Variants in MARF1 observed in about 807,000 individuals in gnomAD.
MARF1 encodes the protein meiosis regulator and mRNA stability factor 1, also known as limkain-b1.
Under a neutral mutation model 168.2 loss-of-function variants are expected in MARF1, and 24 were observed. The observed-to-expected ratio is 0.14, with a 90% CI of 0.10 to 0.20. The LOEUF (loss-of-function observed/expected upper bound fraction) is 0.20. Ranked by LOEUF, MARF1 falls within the 10% of genes least tolerant of loss-of-function variation. The pLI is 1.00. For missense variants in MARF1, 1,744 were observed against 2,143.6 expected (o/e 0.81, Z 3.68); for synonymous variants, 868 against 822.4 (o/e 1.06, Z -0.95).
intron 22 of MARF1, 156 bp from the exon 23 acceptor site, chr16:15,602,359 G>A: frequency 1.6e-6 from 1 of 639,158 alleles, no homozygotes; most frequent in Non-Finnish European, 2.7e-6. Flanking sequence ...GATGAAGAAG[G>A]AGACAAAGAT....
At chr16:15,624,477 G>A (rs1034888284) in intron 10 of MARF1, among the ~76,000 whole-genome samples, 18 of 152,142 alleles carry the variant, frequency 1.2e-4, no homozygotes, top group Non-Finnish European at 2.2e-4. Context: ...TCAACACAGC[G>A]AACATAGGGA....
At chr16:15,599,863 C>G (rs1302566205) in intron 25 of MARF1, among the ~76,000 whole-genome samples, 1 of 152,222 alleles carries the variant, frequency 6.6e-6, no homozygotes, top group Non-Finnish European at 1.5e-5. Context: ...CGGATCAGGC[C>G]TGACCTTGGC....
chr16:15,605,618 T>C (rs2032942920), intron 21 of MARF1, among the ~76,000 whole-genome samples: 1 of 152,112 alleles, frequency 6.6e-6, no homozygotes, highest in Admixed American at 6.5e-5. Flanking sequence ...TGGTGCGACT[T>C]GGATCCATCC....
chr16:15,636,036 C>G lies in MARF1; in HGVS notation c.451G>C (p.Gly151Arg). 3 of 1,614,240 alleles carry G rather than the reference C, an allele frequency of 1.9e-6. No homozygotes were observed. The highest frequency in any genetic ancestry group is 2.5e-6 in the Non-Finnish European group (3 of 1,180,050). ...TRTITCQVGS[G>R]FAFQSASSLQ... ...GAAGATGCAGACTGGAAAGCAAACC[C>G]TGACCCTACCTGACACGTGATTGTC... The change falls in exon 3 of 27, where the codon GGG becomes CGG. Residue 151 changes from glycine (G) to arginine (R), a missense_variant. Coordinates refer to ENST00000396368, the MANE Select transcript of MARF1 (RefSeq NM_014647.4).
intron 2 of MARF1, among the ~76,000 whole-genome samples, chr16:15,638,523 T>A (rs943267349): frequency 1.3e-5 from 2 of 151,802 alleles, no homozygotes; most frequent in Non-Finnish European, 2.9e-5. Flanking sequence ...GAGGCAGAGG[T>A]TGCAATGAGC....
chr16:15,624,068 C>T (rs371205036), intron 10 of MARF1, among the ~76,000 whole-genome samples: 25 of 152,210 alleles, frequency 1.6e-4, no homozygotes, highest in African/African-American at 6.0e-4. Flanking sequence ...CTCACTACCA[C>T]GCCCGGCTAA....
chr16:15,632,015 T>A (rs2035289062), intron 5 of MARF1, among the ~76,000 whole-genome samples: 1 of 152,242 alleles, frequency 6.6e-6, no homozygotes, highest in Non-Finnish European at 1.5e-5. Context: ...CTGCCCATAT[T>A]TTAATAAGTA....
At chr16:15,630,917 G>T (rs2035208278) in intron 6 of MARF1, among the ~76,000 whole-genome samples, 1 of 151,924 alleles carries the variant, frequency 6.6e-6, no homozygotes, top group African/African-American at 2.4e-5. Flanking sequence ...GATCACCTGA[G>T]GTCAGGAGTT....
intron 22 of MARF1, among the ~76,000 whole-genome samples, chr16:15,603,748 C>A (rs938348039): frequency 1.5e-5 from 2 of 137,076 alleles, no homozygotes; most frequent in Non-Finnish European, 3.2e-5. Flanking sequence ...CTTGGAGCGC[C>A]ATTCTTGAAA....
rs115806321 is a variant in MARF1 at position 15,618,826 on chromosome 16, G to A, written c.2721-1291C>T. 6.9e-3 allele frequency among the ~76,000 whole-genome samples: 1,053 copies of A among 152,208 alleles called. 14 individuals carry two copies. Among genetic ancestry groups the A allele is most frequent in the African/African-American group, 0.025 (1,024 of 41,516 alleles). ...GCTACTCCAATGGCCCCTAAAACCT[G>A]AATGTCCAAAACCAAGACCAAAAAC... On this transcript the variant is annotated intron_variant, in intron 13 of 26. Coordinates refer to ENST00000396368, the MANE Select transcript of MARF1 (RefSeq NM_014647.4).
chr16:15,626,961 G>GAAAAAAAAA (rs71134441), intron 7 of MARF1, among the ~76,000 whole-genome samples: 1 of 116,366 alleles, frequency 8.6e-6, no homozygotes, highest in African/African-American at 3.3e-5. Flanking sequence ...GAGATTCTGT[G>GAAAAAAAAA]AAAAAAAAAA....
chr16:15,607,805 G>A (rs1327547412), intron 21 of MARF1, among the ~76,000 whole-genome samples: 1 of 152,182 alleles, frequency 6.6e-6, no homozygotes, highest in Non-Finnish European at 1.5e-5. Flanking sequence ...AGCACGAGCT[G>A]CCCTCTCTAC....
rs144315585 is a variant in MARF1, at chr16:15,610,911, G to A, written c.3751+64C>T. The A allele has an allele frequency of 1.1e-4, 169 of 1,512,396 alleles. No homozygotes were observed. In the African/African-American group the frequency reaches 2.0e-3, roughly 18 times the overall value. The allele number at this position is 1,512,396 out of a possible 1,614,324, so 93.7% of individuals were successfully genotyped here. Reference sequence around the variant, plus strand: ...AGGGAGGGAAAACCACATCTTCCATGCCACACTATGTTAAAATAACAGGAG... The same window carrying A: ...AGGGAGGGAAAACCACATCTTCCATACCACACTATGTTAAAATAACAGGAG... On this transcript the variant is annotated intron_variant, in intron 19 of 26. Coordinates refer to ENST00000396368, the MANE Select transcript of MARF1 (RefSeq NM_014647.4).
At chr16:15,598,144 G>A (rs1405602263) in intron 26 of MARF1, among the ~76,000 whole-genome samples, 8 of 152,158 alleles carry the variant, frequency 5.3e-5, no homozygotes, top group South Asian at 2.1e-4. Context: ...AGGAGACACC[G>A]CAGGACAAGA....
chr16:15,602,235 ATTAGT>A (rs2032511800), intron 22 of MARF1, 32 bp from the exon 23 acceptor site: 2 of 1,576,100 alleles, frequency 1.3e-6, no homozygotes, highest in South Asian at 2.2e-5. Flanking sequence ...CATTAGAAAT[ATTAGT>A]GACTGGCCCT....
chr16:15,598,765 CCACCTCCGT>C, intron 26 of MARF1, 80 bp downstream of exon 26: 1 of 1,313,638 alleles, frequency 7.6e-7, no homozygotes, highest in Admixed American at 1.9e-5. Flanking sequence ...TAGTCCCTTC[CCACCTCCGT>C]CATTTACTAT....
In MARF1 at chr16:15,620,892, A is replaced by G. The variant is rs559389893; in HGVS notation, c.2640-361T>C. On this transcript the variant is annotated intron_variant, in intron 12 of 26. Transcript: ENST00000396368. ...ATAAGGATACACAACTGAATACAAC[A>G]TAATCTCAACTACAGTTTTAAAAAA... Among the ~76,000 whole-genome samples the G allele has an allele frequency of 1.1e-4, 17 of 152,338 alleles. No homozygotes were observed. In the East Asian group the frequency reaches 2.5e-3, roughly 22 times the overall value.
chr16:15,625,678 G>A lies in MARF1; in HGVS notation c.1647C>T (p.Cys549=), dbSNP rs2034794531. 2 of 1,614,228 alleles carry A rather than the reference G, an allele frequency of 1.2e-6. No homozygotes were observed. The highest frequency in any genetic ancestry group is 2.7e-5 in the African/African-American group (2 of 75,056). ...GGTTTATGAAGCGGAGAATTGCACTGCAGCCTGTGATACTCAGCACTTTCC... is the reference window on the plus strand; with the variant it reads ...GGTTTATGAAGCGGAGAATTGCACTACAGCCTGTGATACTCAGCACTTTCC... ...CGGKVLSITG[C]SAILRFINQD... Residue 549 remains cysteine, a synonymous_variant, in exon 8 of 27, where the codon TGC becomes TGT. Transcript: ENST00000396368.
In MARF1 at chr16:15,625,438, C is replaced by T. The variant is rs545321505; in HGVS notation, c.1887G>A (p.Thr629=). The T allele has an allele frequency of 5.0e-6, 8 of 1,613,814 alleles. No homozygotes were observed. The highest frequency in any genetic ancestry group is 2.7e-5 in the African/African-American group (2 of 75,004). Reference sequence around the variant, plus strand: ...AATTTGCCTGTGACCCTTTTCCAGGCGTGGCTTTGGCACTGGAAGATTGTT... The same window carrying T: ...AATTTGCCTGTGACCCTTTTCCAGGTGTGGCTTTGGCACTGGAAGATTGTT... The part of the protein sequence containing the change: ...ASEQSSSAKA[T]PGKGSQANSG... The change falls in exon 8 of 27, where the codon ACG becomes ACA. Residue 629 remains threonine, a synonymous_variant. Transcript: ENST00000396368.
Sources: allele counts gnomAD v4.1 joint callset (sites outside exome capture counted in the v4.1 genomes callset), GRCh38; gene constraint gnomAD v4.1.1; transcripts MANE v1.5; gene names NCBI Gene and HGNC (gene_info 2026-07-23, HGNC 2026-07-21).